Variants in SLC35H1 observed in about 807,000 individuals in gnomAD.
SLC35H1 encodes solute carrier family 35 member H1, also known as ovarian cancer-overexpressed gene 1 protein.
At chr20:46,350,741 T>C in the SLC35H1 span, 5 of 1,612,458 alleles carry the variant, frequency 3.1e-6, no homozygotes, top group Non-Finnish European at 4.2e-6. Flanking sequence ...CAGAGGCTTC[T>C]GGAAGGGACT....
chr20:46,355,714 C>A, the SLC35H1 span: 1 of 1,587,020 alleles, frequency 6.3e-7, no homozygotes, highest in South Asian at 1.1e-5. The surrounding 1 kb of genome is among the most constrained non-coding windows in gnomAD (Gnocchi z 4.8). Flanking sequence ...TCCTCTGTCA[C>A]ACAGCAGGAC....
chr20:46,357,101 C>T, the SLC35H1 span, among the ~76,000 whole-genome samples: 2 of 152,196 alleles, frequency 1.3e-5, no homozygotes, highest in Admixed American at 6.5e-5. Flanking sequence ...TTCCAGACCC[C>T]ACAGCTGGCA....
At chr20:46,360,021 G>A in the SLC35H1 span, among the ~76,000 whole-genome samples, 11 of 152,286 alleles carry the variant, frequency 7.2e-5, no homozygotes, top group African/African-American at 4.8e-5. Flanking sequence ...AACCTGTGGC[G>A]GTATTTTGGG....
the SLC35H1 span, among the ~76,000 whole-genome samples, chr20:46,353,937 G>A: frequency 6.6e-6 from 1 of 152,064 alleles, no homozygotes; most frequent in Non-Finnish European, 1.5e-5. Flanking sequence ...GGTTCAAGAC[G>A]CTTCACTGCT....
chr20:46,357,696 C>A, the SLC35H1 span: 1 of 1,614,168 alleles, frequency 6.2e-7, no homozygotes, highest in Non-Finnish European at 8.5e-7. Flanking sequence ...AGCACTGAAC[C>A]AGCGCCCTGG....
chr20:46,358,810 C>T, the SLC35H1 span: 3 of 1,217,652 alleles, frequency 2.5e-6, no homozygotes, highest in Non-Finnish European at 3.5e-6. Context: ...AGAGACTGTG[C>T]TTCTCGTAGC....
chr20:46,352,345 G>C, the SLC35H1 span: 3 of 859,272 alleles, frequency 3.5e-6, no homozygotes, highest in East Asian at 2.5e-5. Flanking sequence ...CCTGCTAACT[G>C]TCTGCAGCCC....
the SLC35H1 span, among the ~76,000 whole-genome samples, chr20:46,351,202 G>A: frequency 2.6e-5 from 4 of 152,246 alleles, no homozygotes; most frequent in Admixed American, 6.5e-5. Context: ...GATAAAGGAC[G>A]GCTGCCCCAG....
At chr20:46,350,721 G>C in the SLC35H1 span, 1 of 1,607,472 alleles carries the variant, frequency 6.2e-7, no homozygotes, top group Non-Finnish European at 8.5e-7. Context: ...ACAGGGAGAA[G>C]AACAGAAAAC....
chr20:46,350,700 C>T, the SLC35H1 span: 1 of 1,505,996 alleles, frequency 6.6e-7, no homozygotes, highest in Middle Eastern at 1.8e-4. Context: ...GCATCAGAAT[C>T]ACTAAGAGTC....
the SLC35H1 span, among the ~76,000 whole-genome samples, chr20:46,356,038 G>C: frequency 6.6e-6 from 1 of 152,098 alleles, no homozygotes; most frequent in Non-Finnish European, 1.5e-5. Context: ...TGACTAAGAG[G>C]CCTCTGGTTA....
the SLC35H1 span, among the ~76,000 whole-genome samples, chr20:46,361,679 C>T: frequency 3.9e-5 from 6 of 152,220 alleles, no homozygotes; most frequent in Non-Finnish European, 8.8e-5. Context: ...CATCCTTCCC[C>T]CCATCCCAAG....
chr20:46,355,463 C>T, the SLC35H1 span: 1 of 638,798 alleles, frequency 1.6e-6, no homozygotes, highest in Non-Finnish European at 2.7e-6. The surrounding 1 kb of genome is among the most constrained non-coding windows in gnomAD (Gnocchi z 4.8). Context: ...GCTTGCTCTG[C>T]CACACTGACG....
At chr20:46,357,719 A>G in the SLC35H1 span, 2 of 1,614,030 alleles carry the variant, frequency 1.2e-6, no homozygotes, top group Non-Finnish European at 1.7e-6. Context: ...AGGGCGGAGA[A>G]GAGGAAGATC....
At chr20:46,350,327 TTGAGCACAG>T in the SLC35H1 span, 2 of 1,525,590 alleles carry the variant, frequency 1.3e-6, no homozygotes, top group Non-Finnish European at 1.8e-6. Context: ...CCCTGGCGGC[TTGAGCACAG>T]TGAGTGCTGG....
the SLC35H1 span, among the ~76,000 whole-genome samples, chr20:46,360,034 T>C: frequency 6.6e-6 from 1 of 152,176 alleles, no homozygotes; most frequent in Non-Finnish European, 1.5e-5. Flanking sequence ...ATTTTGGGGA[T>C]ATGCTCCTGG....
chr20:46,352,210 T>C, the SLC35H1 span: 5 of 1,614,032 alleles, frequency 3.1e-6, no homozygotes, highest in Non-Finnish European at 3.4e-6. Context: ...TTTTCTCAGA[T>C]GTGGACAAAT....
chr20:46,360,372 G>A, the SLC35H1 span, among the ~76,000 whole-genome samples: 2 of 152,192 alleles, frequency 1.3e-5, no homozygotes, highest in East Asian at 1.9e-4. Context: ...GACACAACAC[G>A]GCTGTGTCAG....
chr20:46,355,728 C>A, the SLC35H1 span: 1 of 1,604,798 alleles, frequency 6.2e-7, no homozygotes. The surrounding 1 kb of genome is among the most constrained non-coding windows in gnomAD (Gnocchi z 4.8). Flanking sequence ...GCAGGACAAG[C>A]CACTGCTCAG....
Sources: gnomAD v4.1 joint callset for allele counts (sites outside exome capture counted in the v4.1 genomes callset) on GRCh38, gnomAD v4.1.1 for gene constraint, Gnocchi (gnomAD v3.1) non-coding constraint, MANE v1.5 for transcripts, NCBI Gene and HGNC (gene_info 2026-07-23, HGNC 2026-07-21) for gene names.